The following HCK variants were observed in gnomAD, a reference collection of about 807,000 sequenced individuals.
HCK encodes the protein HCK proto-oncogene, Src family tyrosine kinase.
Under a neutral mutation model 70.4 loss-of-function variants are expected in HCK, and 40 were observed. That is an observed-to-expected ratio of 0.57 (90% confidence interval 0.44 to 0.74). The LOEUF (loss-of-function observed/expected upper bound fraction) is 0.74, where lower values mean the gene tolerates loss of function less well. HCK is among the 30% of genes least tolerant of loss of function. HCK has a pLI of 0.00. For missense variants in HCK, 568 were observed against 697.2 expected, an observed-to-expected ratio of 0.81 and a Z score of 2.09; for synonymous variants, 245 against 263.2, an observed-to-expected ratio of 0.93 and a Z score of 0.67.
chr20:32,063,239 G>C (rs1041324872), intron 1 of HCK, among the ~76,000 whole-genome samples: 1 of 152,120 alleles, frequency 6.6e-6, no homozygotes, highest in Non-Finnish European at 1.5e-5. Flanking sequence ...AATGTGTATG[G>C]GGGGCCTATT....
At chr20:32,062,736 C>T (rs2045398559) in intron 1 of HCK, among the ~76,000 whole-genome samples, 1 of 152,120 alleles carries the variant, frequency 6.6e-6, no homozygotes, top group African/African-American at 2.4e-5. Flanking sequence ...TCAGGAGTGA[C>T]CCCTAACTGT....
At chr20:32,063,992 CTTTTTTTTTTT>C (rs58620860) in intron 1 of HCK, among the ~76,000 whole-genome samples, 7 of 54,236 alleles carry the variant, frequency 1.3e-4, no homozygotes, top group South Asian at 2.4e-3. Context: ...ATCTCTACTT[CTTTTTTTTTTT>C]TTTTTTTTTT....
At chr20:32,054,761 G>A (rs1324430369) in intron 1 of HCK, among the ~76,000 whole-genome samples, 1 of 152,182 alleles carries the variant, frequency 6.6e-6, no homozygotes, top group Admixed American at 6.5e-5. Context: ...AGCCGAGATC[G>A]TGCCACTGCA....
intron 5 of HCK, among the ~76,000 whole-genome samples, chr20:32,076,165 A>C (rs1334550001): frequency 1.3e-5 from 2 of 152,136 alleles, no homozygotes; most frequent in Non-Finnish European, 2.9e-5. Context: ...TCTACTAAAA[A>C]TACAAAAAAA....
At chr20:32,057,842 C>G (rs917521981) in intron 1 of HCK, among the ~76,000 whole-genome samples, 4 of 152,220 alleles carry the variant, frequency 2.6e-5, no homozygotes, top group South Asian at 4.1e-4. Flanking sequence ...TTTCCTCCCC[C>G]ACAGGACTGG....
intron 11 of HCK, among the ~76,000 whole-genome samples, chr20:32,097,976 G>A (rs2045979377): frequency 1.3e-5 from 2 of 152,128 alleles, no homozygotes; most frequent in Admixed American, 1.3e-4. Flanking sequence ...CAGGAGTTTT[G>A]AGAACAGGCT....
Position 32,066,041 on chromosome 20 carries a change from T to C in HCK, c.63-5621T>C, listed in dbSNP as rs1447172530. 2.0e-5 allele frequency among the ~76,000 whole-genome samples: 3 copies of C among 152,124 alleles called. No individual in the cohort carries two copies. The East Asian group carries it at 5.8e-4, about 29-fold the overall frequency. On this transcript the variant is annotated intron_variant, in intron 1 of 12. Coordinates refer to ENST00000375852, the MANE Select transcript of HCK (RefSeq NM_002110.5). ...CCCCTGTGAGGTTGAGGCTGCTGGT[T>C]CTCACGCTAGCCACACTCTGAGCAC...
intron 9 of HCK, 78 bp from the exon 10 acceptor site, chr20:32,088,490 G>T: frequency 9.6e-7 from 1 of 1,037,172 alleles, no homozygotes; most frequent in South Asian, 1.4e-5. Context: ...TAAAGTACTA[G>T]ATTGGTGCAA....
chr20:32,094,743 A>G (rs533511199), intron 11 of HCK, among the ~76,000 whole-genome samples: 7 of 136,402 alleles, frequency 5.1e-5, no homozygotes, highest in Non-Finnish European at 9.5e-5. Flanking sequence ...GAAAGAAAGA[A>G]AGAAAGAAAG....
At chr20:32,058,605 A>ACACAC (rs1555873969) in intron 1 of HCK, among the ~76,000 whole-genome samples, 1 of 142,334 alleles carries the variant, frequency 7.0e-6, no homozygotes, top group Admixed American at 7.1e-5. Context: ...TTTATGTCAA[A>ACACAC]ACACACACAC....
chr20:32,076,036 C>T (rs1330767861), intron 5 of HCK, among the ~76,000 whole-genome samples: 2 of 152,096 alleles, frequency 1.3e-5, no homozygotes, highest in Admixed American at 1.3e-4. Flanking sequence ...AAGCCACCTC[C>T]TTCTGGCTGG....
At chr20:32,089,169 C>A (rs1310855080) in intron 10 of HCK, among the ~76,000 whole-genome samples, 1 of 152,268 alleles carries the variant, frequency 6.6e-6, no homozygotes, top group East Asian at 1.9e-4. Context: ...TCTCATTAAG[C>A]CTCTGCCTGC....
chr20:32,097,129 A>C (rs2045967298), intron 11 of HCK, among the ~76,000 whole-genome samples: 1 of 151,918 alleles, frequency 6.6e-6, no homozygotes, highest in African/African-American at 2.4e-5. Context: ...AAAATTTAAA[A>C]ATAAGTCAGG....
intron 6 of HCK, among the ~76,000 whole-genome samples, chr20:32,083,628 G>A (rs768947666): frequency 1.2e-4 from 19 of 152,208 alleles, no homozygotes; most frequent in African/African-American, 4.6e-4. Flanking sequence ...GTAGGGAGGC[G>A]TGAGAACTAT....
intron 1 of HCK, among the ~76,000 whole-genome samples, chr20:32,056,329 C>A (rs1485573070): frequency 6.6e-6 from 1 of 152,074 alleles, no homozygotes; most frequent in Non-Finnish European, 1.5e-5. Flanking sequence ...CCGGTTAACA[C>A]GGTGAAACCT....
chr20:32,052,732 G>T (rs1235503310), intron 1 of HCK, among the ~76,000 whole-genome samples: 2 of 150,848 alleles, frequency 1.3e-5, no homozygotes, highest in African/African-American at 4.9e-5. Flanking sequence ...GCTCGGGCCC[G>T]TGCAGTGACT....
Position 32,084,534 on chromosome 20 carries a change from G to T in HCK, c.826G>T (p.Val276Phe). ...ACTTGGAGCTGGGCAGTTTGGGGAA[G>T]TCTGGATGGGTAAGGACCCAGGGCC... The change falls in exon 8 of 13, where the codon GTC becomes TTC. Residue 276 changes from valine (V) to phenylalanine (F), a missense_variant. By Grantham distance (50) the Val-to-Phe change is conservative (BLOSUM62 -1). Around this residue, in one of 4 missense-constraint regions of HCK, gnomAD observed 13 missense variants for 38.8 expected, o/e 0.34. Transcript: ENST00000375852. The T allele has an allele frequency of 6.2e-7, 1 of 1,613,702 alleles. No individual in the cohort carries two copies. The highest frequency in any genetic ancestry group is 8.5e-7 in the Non-Finnish European group (1 of 1,179,782).
At position 32,059,293 on chromosome 20, in the gene HCK, T is replaced by TTCCTTCCC. The variant is rs1188956257; in HGVS notation, c.62+6810_62+6811insTTCCCTCC. On this transcript the variant is annotated intron_variant, in intron 1 of 12. Transcript: ENST00000375852. ...TAATGTTTTAATCTTCCTTCCTTCCTTCCCTCCCTCCCTCCTTTCTTTTCT... is the reference window on the plus strand; with the variant it reads ...TAATGTTTTAATCTTCCTTCCTTCCTTCCTTCCCTCCCTCCCTCCCTCCTTTCTTTTCT... Among the ~76,000 whole-genome samples the TTCCTTCCC allele has an allele frequency of 8.7e-3, 1,300 of 148,990 alleles. 10 individuals are homozygous for TTCCTTCCC. Among genetic ancestry groups the TTCCTTCCC allele is most frequent in the African/African-American group, 0.012 (468 of 40,480 alleles).
chr20:32,086,566 C>A, intron 8 of HCK, 62 bp from the exon 9 acceptor site: 1 of 1,429,080 alleles, frequency 7.0e-7, no homozygotes, highest in Non-Finnish European at 9.5e-7. Context: ...GCTGGGCCTT[C>A]TAGGGTGGTA....
Sources: gnomAD v4.1 joint callset for allele counts (sites outside exome capture counted in the v4.1 genomes callset) on GRCh38, gnomAD v4.1.1 for gene constraint, gnomAD v4.1.1 regional missense constraint, MANE v1.5 for transcripts, NCBI Gene and HGNC (gene_info 2026-07-23, HGNC 2026-07-21) for gene names.